MEGF9: variants seen among roughly 807,000 people sequenced by gnomAD.
MEGF9 encodes multiple EGF like domains 9.
A neutral mutation model predicts 46.8 loss-of-function variants in MEGF9; 6 were observed. That is an observed-to-expected ratio of 0.13 (90% confidence interval 0.07 to 0.25). The LOEUF is 0.25. MEGF9 is among the 10% of genes least tolerant of loss of function. The probability of loss-of-function intolerance (pLI) is 1.00; values close to 1 mark genes in which losing one functional copy is unlikely to be tolerated. For synonymous variants in MEGF9, 302 were observed against 330.7 expected, an observed-to-expected ratio of 0.91 and a Z score of 0.94; for missense variants, 683 against 792.4, an observed-to-expected ratio of 0.86 and a Z score of 1.66.
intron 1 of MEGF9, among the ~76,000 whole-genome samples, chr9:120,698,391 T>C (rs555162277): frequency 4.1e-4 from 63 of 152,336 alleles, no homozygotes; most frequent in African/African-American, 1.3e-3. Context: ...GCAGTACCAT[T>C]ACTGCTGTAA....
chr9:120,663,354 G>A (rs1471802531), intron 1 of MEGF9, among the ~76,000 whole-genome samples: 1 of 152,200 alleles, frequency 6.6e-6, no homozygotes, highest in African/African-American at 2.4e-5. Flanking sequence ...TCACTAAATT[G>A]TGCCAGGATA....
At chr9:120,679,909 G>A (rs1304862894) in intron 1 of MEGF9, among the ~76,000 whole-genome samples, 1 of 143,132 alleles carries the variant, frequency 7.0e-6, no homozygotes, top group Non-Finnish European at 1.5e-5. Flanking sequence ...CTGCACTCCA[G>A]CCTGGGTGAC....
chr9:120,625,554 G>A (rs190854434), intron 2 of MEGF9, among the ~76,000 whole-genome samples: 64 of 151,204 alleles, frequency 4.2e-4, no homozygotes, highest in Middle Eastern at 3.5e-3. Context: ...GATTTAAATC[G>A]GCCAGGTGCA....
At chr9:120,701,782 C>T (rs748081835) in intron 1 of MEGF9, among the ~76,000 whole-genome samples, 3 of 152,156 alleles carry the variant, frequency 2.0e-5, no homozygotes, top group Admixed American at 1.3e-4. Flanking sequence ...CAGTGGCTCA[C>T]GCCTGTAATC....
chr9:120,690,637 C>A (rs1486985407), intron 1 of MEGF9, among the ~76,000 whole-genome samples: 1 of 152,128 alleles, frequency 6.6e-6, no homozygotes, highest in Non-Finnish European at 1.5e-5. Flanking sequence ...AGTGACCAAG[C>A]AACCAATATC....
intron 2 of MEGF9, among the ~76,000 whole-genome samples, chr9:120,638,142 C>T (rs983507585): frequency 2.6e-5 from 4 of 152,026 alleles, no homozygotes; most frequent in South Asian, 4.1e-4. Context: ...TATAGGTGCA[C>T]GCTGCCACAC....
intron 1 of MEGF9, among the ~76,000 whole-genome samples, chr9:120,661,965 G>T (rs753291529): frequency 6.6e-6 from 1 of 152,254 alleles, no homozygotes; most frequent in African/African-American, 2.4e-5. Context: ...AAGTATGTTG[G>T]TGTCAGTAGA....
chr9:120,676,242 T>C (rs2043772773), intron 1 of MEGF9, among the ~76,000 whole-genome samples: 1 of 152,168 alleles, frequency 6.6e-6, no homozygotes. Flanking sequence ...CTGGGCAACA[T>C]GGCAAAACCG....
intron 1 of MEGF9, among the ~76,000 whole-genome samples, chr9:120,671,449 T>A (rs1243522770): frequency 1.3e-5 from 2 of 152,102 alleles, no homozygotes; most frequent in Non-Finnish European, 2.9e-5. Flanking sequence ...GACACTAATA[T>A]GAAGAATGAA....
chr9:120,704,254 A>G (rs1227697632), intron 1 of MEGF9, among the ~76,000 whole-genome samples: 1 of 152,014 alleles, frequency 6.6e-6, no homozygotes, highest in African/African-American at 2.4e-5. Context: ...GAACTGCTAG[A>G]ACCTATGAGG....
At chr9:120,702,132 G>A (rs113622228) in intron 1 of MEGF9, among the ~76,000 whole-genome samples, 2 of 152,234 alleles carry the variant, frequency 1.3e-5, no homozygotes, top group Non-Finnish European at 2.9e-5. Context: ...TTCAGCCTCT[G>A]CTGAAGGTCT....
At chr9:120,648,625 G>A (rs991867336) in intron 2 of MEGF9, among the ~76,000 whole-genome samples, 2 of 152,100 alleles carry the variant, frequency 1.3e-5, no homozygotes, top group Non-Finnish European at 1.5e-5. Context: ...CATATGGTTG[G>A]CAAATGCAAT....
chr9:120,685,504 T>A (rs571747599), intron 1 of MEGF9, among the ~76,000 whole-genome samples: 2 of 152,190 alleles, frequency 1.3e-5, no homozygotes, highest in Admixed American at 6.5e-5. Context: ...AAACAGACTA[T>A]GGCTAAATGA....
intron 2 of MEGF9, among the ~76,000 whole-genome samples, chr9:120,639,876 A>G (rs1312592501): frequency 1.3e-5 from 2 of 151,976 alleles, no homozygotes; most frequent in African/African-American, 4.8e-5. Context: ...AAAGGTTCAA[A>G]CTCATTTTCT....
In MEGF9 at chr9:120,620,062, A is replaced by AACAAAG. The variant is rs1228875618; in HGVS notation, c.943+2548_943+2553dup. 6.6e-5 allele frequency among the ~76,000 whole-genome samples: 10 copies of AACAAAG among 152,344 alleles called. No individual in the cohort carries two copies. The East Asian group carries it at 1.9e-3, about 29-fold the overall frequency. On this transcript the variant is annotated intron_variant, in intron 3 of 5. Coordinates refer to ENST00000373930, the MANE Select transcript of MEGF9 (RefSeq NM_001080497.3). ...GGATTCCACTTTTATTATAATTCCA[A>AACAAAG]ACAAAGAACCCATTTATTTCTCTCA...
At chr9:120,652,204 G>A (rs1213270423) in intron 2 of MEGF9, among the ~76,000 whole-genome samples, 7 of 27,200 alleles carry the variant, frequency 2.6e-4, no homozygotes, top group Admixed American at 3.8e-4. Context: ...AAAAAAAACA[G>A]GTCAGGCATG....
intron 1 of MEGF9, among the ~76,000 whole-genome samples, chr9:120,684,877 A>T (rs554183153): frequency 3.1e-4 from 46 of 149,294 alleles, no homozygotes; most frequent in African/African-American, 1.1e-3. Context: ...TCTCTCTCCC[A>T]GTCTGGAGTG....
chr9:120,656,899 C>T (rs1398038580), intron 2 of MEGF9, among the ~76,000 whole-genome samples: 1 of 152,010 alleles, frequency 6.6e-6, no homozygotes, highest in East Asian at 1.9e-4. Flanking sequence ...CCTGGGTATA[C>T]GGTGCGACTC....
intron 2 of MEGF9, among the ~76,000 whole-genome samples, chr9:120,635,140 C>T (rs1176673094): frequency 6.6e-6 from 1 of 151,872 alleles, no homozygotes; most frequent in Non-Finnish European, 1.5e-5. Context: ...TATATCAACC[C>T]ATTCTTTCCT....
Sources: gnomAD v4.1 joint callset for allele counts (sites outside exome capture counted in the v4.1 genomes callset) on GRCh38, gnomAD v4.1.1 for gene constraint, MANE v1.5 for transcripts, NCBI Gene and HGNC (gene_info 2026-07-23, HGNC 2026-07-21) for gene names.